Variants in MTUS2 observed in about 807,000 individuals in gnomAD.
The protein encoded by MTUS2 is microtubule-associated tumor suppressor candidate 2.
MTUS2 carries 40 observed loss-of-function variants against 114.1 expected under a neutral mutation model. That is an observed-to-expected ratio of 0.35 (90% CI 0.27 to 0.46). The LOEUF (loss-of-function observed/expected upper bound fraction) is 0.46, where lower values mean the gene tolerates loss of function less well. Ranked by LOEUF, MTUS2 falls within the 20% of genes least tolerant of loss-of-function variation. The probability of loss-of-function intolerance (pLI) is 1.00; values close to 1 mark genes in which losing one functional copy is unlikely to be tolerated. For missense variants in MTUS2, 1,679 were observed against 1,705.4 expected (o/e 0.98, Z 0.27); for synonymous variants, 688 against 672.0 (o/e 1.02, Z -0.37).
intron 2 of MTUS2, among the ~76,000 whole-genome samples, chr13:28,960,080 T>C (rs574948355): frequency 6.6e-6 from 1 of 152,322 alleles, no homozygotes; most frequent in Admixed American, 6.5e-5. Context: ...GTTAGAACTA[T>C]CTGACAAAGA....
At chr13:29,082,179 G>T (rs973502340) in intron 4 of MTUS2, among the ~76,000 whole-genome samples, 8 of 152,146 alleles carry the variant, frequency 5.3e-5, no homozygotes, top group African/African-American at 1.9e-4. Context: ...CAATAAAGCT[G>T]CCATCTGCAA....
chr13:29,038,462 A>G (rs527463305), intron 4 of MTUS2, among the ~76,000 whole-genome samples: 1 of 152,176 alleles, frequency 6.6e-6, no homozygotes, highest in African/African-American at 2.4e-5. Flanking sequence ...GCTCTCCTGT[A>G]TGAGGTGTCT....
chr13:28,832,644 A>T (rs1324046444), intron 1 of MTUS2, among the ~76,000 whole-genome samples: 1 of 148,432 alleles, frequency 6.7e-6, no homozygotes, highest in Admixed American at 6.7e-5. Flanking sequence ...TATATATAAT[A>T]TGACAATATA....
intron 1 of MTUS2, among the ~76,000 whole-genome samples, chr13:28,826,985 A>G (rs1168127355): frequency 6.6e-6 from 1 of 152,240 alleles, no homozygotes; most frequent in Non-Finnish European, 1.5e-5. Context: ...AAGCTGTTTG[A>G]CATTACTCAT....
intron 2 of MTUS2, among the ~76,000 whole-genome samples, chr13:28,953,539 T>G (rs540427892): frequency 6.6e-6 from 1 of 152,258 alleles, no homozygotes. Flanking sequence ...GCATTTTATT[T>G]AAAAATGTTT....
chr13:29,001,345 G>C (rs1157802816), intron 2 of MTUS2, among the ~76,000 whole-genome samples: 16 of 152,118 alleles, frequency 1.1e-4, no homozygotes, highest in Non-Finnish European at 2.2e-4. Context: ...TGGCTTTGAT[G>C]GTGGTGGCTA....
chr13:29,408,789 C>T (rs772958949), intron 8 of MTUS2, among the ~76,000 whole-genome samples: 6 of 151,962 alleles, frequency 3.9e-5, no homozygotes, highest in East Asian at 1.9e-4. Flanking sequence ...AGTTTCTACA[C>T]GTGTGTATCT....
chr13:29,345,146 C>G (rs924088807), intron 7 of MTUS2, among the ~76,000 whole-genome samples: 2 of 152,110 alleles, frequency 1.3e-5, no homozygotes, highest in African/African-American at 4.8e-5. Context: ...AGGCAATGAT[C>G]TTTTGCGATA....
At chr13:29,327,165 T>C (rs1161490884) in intron 7 of MTUS2, among the ~76,000 whole-genome samples, 1 of 152,134 alleles carries the variant, frequency 6.6e-6, no homozygotes, top group Non-Finnish European at 1.5e-5. Context: ...GATGGAAAAT[T>C]AATATTTATA....
At chr13:29,490,006 G>C (rs545054081) in intron 11 of MTUS2, 1 of 152,098 alleles carries the variant, frequency 6.6e-6, no homozygotes, top group Non-Finnish European at 1.5e-5. Context: ...TCTGACTAAC[G>C]AAGTCTCACT....
intron 5 of MTUS2, among the ~76,000 whole-genome samples, chr13:29,154,601 A>G (rs1322132964): frequency 6.6e-6 from 1 of 152,252 alleles, no homozygotes; most frequent in African/African-American, 2.4e-5. Context: ...CAAAAAGCCA[A>G]AGTGTTGGGA....
At chr13:28,978,490 A>G (rs1026910905) in intron 2 of MTUS2, among the ~76,000 whole-genome samples, 1 of 152,208 alleles carries the variant, frequency 6.6e-6, no homozygotes, top group Non-Finnish European at 1.5e-5. Context: ...ACTGGTTTCC[A>G]TTTTAAGATG....
chr13:28,890,907 T>C (rs1391820696), intron 2 of MTUS2, among the ~76,000 whole-genome samples: 1 of 152,188 alleles, frequency 6.6e-6, no homozygotes, highest in African/African-American at 2.4e-5. Flanking sequence ...CTCCATGGCT[T>C]CCTTCCATCC....
intron 5 of MTUS2, among the ~76,000 whole-genome samples, chr13:29,168,029 A>C (rs182802614): frequency 2.0e-5 from 3 of 152,360 alleles, no homozygotes; most frequent in Admixed American, 2.0e-4. Flanking sequence ...ATTTTAAATT[A>C]TATCAGCTGA....
chr13:29,493,794 G>A (rs1017576611), intron 12 of MTUS2, among the ~76,000 whole-genome samples: 1 of 152,184 alleles, frequency 6.6e-6, no homozygotes, highest in Admixed American at 6.5e-5. Flanking sequence ...GCCATACAGC[G>A]ATATCACAAA....
At chr13:29,293,472 A>G (rs555174187) in intron 6 of MTUS2, among the ~76,000 whole-genome samples, 1 of 152,270 alleles carries the variant, frequency 6.6e-6, no homozygotes, top group African/African-American at 2.4e-5. Context: ...TGTGGTACAC[A>G]AACACTCTTG....
intron 2 of MTUS2, among the ~76,000 whole-genome samples, chr13:28,886,803 C>A (rs1054243292): frequency 2.0e-5 from 3 of 152,196 alleles, no homozygotes; most frequent in Non-Finnish European, 4.4e-5. Context: ...ACCATTCATT[C>A]ATTCTCACCA....
intron 9 of MTUS2, among the ~76,000 whole-genome samples, chr13:29,469,088 C>T (rs1273874512): frequency 2.6e-5 from 4 of 152,194 alleles, no homozygotes; most frequent in Admixed American, 6.5e-5. Context: ...GCCCAACCTC[C>T]TCGTTTGACG....
Position 29,497,203 on chromosome 13 carries a change from G to C in MTUS2, c.3580-35G>C, listed in dbSNP as rs573888663. 7 of 1,585,818 alleles carry C rather than the reference G, an allele frequency of 4.4e-6. No individual in the cohort carries two copies. In the East Asian group the frequency reaches 1.6e-4, roughly 35 times the overall value. On this transcript the variant is annotated intron_variant, in intron 12 of 15. Transcript: ENST00000612955. The stretch of plus-strand genomic sequence containing the variant: ...GGCTGTGGTGGCTGCTGTCTGTAGT[G>C]GCCCCAGCTGGACTCCTTGTATCAT...
Sources: allele counts gnomAD v4.1 joint callset (sites outside exome capture counted in the v4.1 genomes callset), GRCh38; gene constraint gnomAD v4.1.1; transcripts MANE v1.5; gene names NCBI Gene and HGNC (gene_info 2026-07-23, HGNC 2026-07-21).